The following UNC119B variants were observed in gnomAD, a reference collection of about 807,000 sequenced individuals.
UNC119B encodes protein unc-119 homolog B.
Under a neutral mutation model 23.4 loss-of-function variants are expected in UNC119B, and 16 were observed. The observed-to-expected ratio is 0.68, with a 90% CI of 0.46 to 1.04. The LOEUF (loss-of-function observed/expected upper bound fraction) is 1.04, where lower values mean the gene tolerates loss of function less well. Among genes scored for constraint, UNC119B ranks in the 50% least tolerant of loss-of-function variants. The probability of loss-of-function intolerance (pLI) is 0.00; values close to 1 mark genes in which losing one functional copy is unlikely to be tolerated. For missense variants in UNC119B, 350 were observed against 361.3 expected (o/e 0.97, Z 0.25); for synonymous variants, 144 against 145.4 (o/e 0.99, Z 0.07).
At chr12:120,712,384 TAA>T (rs1370813903) in intron 1 of UNC119B, among the ~76,000 whole-genome samples, 1 of 152,170 alleles carries the variant, frequency 6.6e-6, no homozygotes, top group African/African-American at 2.4e-5. Flanking sequence ...ACTCAGGCAA[TAA>T]AAGATCAAGT....
chr12:120,711,140 C>T (rs1029576982), intron 1 of UNC119B: 1 of 155,920 alleles, frequency 6.4e-6, no homozygotes, highest in African/African-American at 2.4e-5. Context: ...CCCCAGCCCT[C>T]TGGCAGGCCA....
chr12:120,713,453 TTGTG>T (rs1372862822), intron 2 of UNC119B, 66 bp downstream of exon 2: 157 of 1,226,782 alleles, frequency 1.3e-4, no homozygotes, highest in Non-Finnish European at 1.8e-4. Flanking sequence ...ACTCAAATCT[TTGTG>T]TGCCACTGCA....
At position 120,720,851 on chromosome 12, in the gene UNC119B, T is replaced by G. The variant is rs1882882618; in HGVS notation, c.*819T>G. 6.6e-6 allele frequency: 1 copy of G among 152,264 alleles called. No homozygotes were observed. The highest frequency in any genetic ancestry group is 1.5e-5 in the Non-Finnish European group (1 of 68,068). 9.4% of individuals were successfully genotyped at this position (152,264 alleles called of 1,614,324 possible). ...CTTGAGGCCAGAGCAGGTCTTGTAT[T>G]TTGTTTTTTTATTTCCAGACTTCTT... On this transcript the variant is annotated 3_prime_UTR_variant, in exon 5 of 5. Transcript: ENST00000344651.
At chr12:120,715,195 TAAATC>T (rs1203762343) in intron 2 of UNC119B, among the ~76,000 whole-genome samples, 12 of 152,220 alleles carry the variant, frequency 7.9e-5, no homozygotes, top group African/African-American at 2.6e-4. Context: ...TATCTCAAAA[TAAATC>T]AATAAATATA....
At chr12:120,718,458 A>G (rs1475204373) in intron 4 of UNC119B, among the ~76,000 whole-genome samples, 1 of 152,238 alleles carries the variant, frequency 6.6e-6, no homozygotes, top group African/African-American at 2.4e-5. Flanking sequence ...GTGTTGAGAT[A>G]GATCCAGCAG....
intron 4 of UNC119B, among the ~76,000 whole-genome samples, chr12:120,717,297 G>A (rs1386546513): frequency 6.6e-6 from 1 of 152,106 alleles, no homozygotes; most frequent in Non-Finnish European, 1.5e-5. Context: ...ACAGAGTCTT[G>A]CTCTGTCTGT....
chr12:120,710,683 C>G lies in UNC119B; in HGVS notation c.209C>G (p.Pro70Arg). The G allele has an allele frequency of 2.1e-6, 3 of 1,445,066 alleles. No homozygotes were observed. The highest frequency in any genetic ancestry group is 2.7e-6 in the Non-Finnish European group (3 of 1,103,346). 89.5% of individuals were successfully genotyped at this position (1,445,066 alleles called of 1,614,324 possible). The change falls in exon 1 of 5, where the codon CCC becomes CGC. Residue 70 changes from proline (P) to arginine (R), a missense_variant. Transcript: ENST00000344651. ...CTGCTGGCGCTGGACACCATCCGGCCCGAGCACGTCCTGCGCCTCAGCCGG... is the reference window on the plus strand; with the variant it reads ...CTGCTGGCGCTGGACACCATCCGGCGCGAGCACGTCCTGCGCCTCAGCCGG... ...QELLALDTIR[P>R]EHVLRLSRVT...
chr12:120,715,521 CTTTTTTTTTT>C (rs55906857), intron 2 of UNC119B, among the ~76,000 whole-genome samples: 21 of 71,522 alleles, frequency 2.9e-4, no homozygotes, highest in Admixed American at 2.7e-3. Context: ...TTCTCTGATT[CTTTTTTTTTT>C]TTTTTTTTTT....
Position 120,723,091 on chromosome 12 carries a change from T to A in UNC119B, c.*3059T>A, listed in dbSNP as rs562568916. The A allele has an allele frequency of 6.5e-6, 1 of 153,450 alleles. No homozygotes were observed. The highest frequency in any genetic ancestry group is 2.4e-5 in the African/African-American group (1 of 41,632). The allele number at this position is 153,450 out of a possible 1,614,324, so 9.5% of individuals were successfully genotyped here. A position where few individuals can be genotyped will look rare whatever the true frequency, so the allele number is the denominator to read the frequency against. The stretch of plus-strand genomic sequence containing the variant: ...GGCTGTGTCTAATGTACAAACTGGG[T>A]GAGTCCTGCCTTAGTGTGTCCTGCC... On this transcript the variant is annotated 3_prime_UTR_variant, in exon 5 of 5. Coordinates refer to ENST00000344651, the MANE Select transcript of UNC119B (RefSeq NM_001080533.3).
At position 120,721,734 on chromosome 12, in the gene UNC119B, C is replaced by T. The variant is rs1041338682; in HGVS notation, c.*1702C>T. On this transcript the variant is annotated 3_prime_UTR_variant, in exon 5 of 5. Transcript: ENST00000344651. ...CGAGAGAGGGGAGAGACCATTCCTC[C>T]TGTGGAGTGGGTTCCTTATCACCAG... 6.5e-6 allele frequency: 1 copy of T among 152,732 alleles called. No individual in the cohort carries two copies. Among genetic ancestry groups the T allele is most frequent in the African/African-American group, 2.4e-5 (1 of 41,458 alleles). The allele number at this position is 152,732 out of a possible 1,614,324, so 9.5% of individuals were successfully genotyped here.
rs1213495155 is a variant in UNC119B at position 120,716,624 on chromosome 12, T to C, written c.359-4T>C. The C allele has an allele frequency of 1.9e-6, 3 of 1,614,114 alleles. No individual in the cohort carries two copies. Among genetic ancestry groups the C allele is most frequent in the South Asian group, 1.1e-5 (1 of 91,078 alleles). The stretch of plus-strand genomic sequence containing the variant: ...TGCACTGAAGATTCTGTGTGCTCTT[T>C]CAGACCAGGAGGAGGATGAGGAGGA... On this transcript the variant is annotated splice_polypyrimidine_tract_variant and splice_region_variant and intron_variant, in intron 2 of 4. Transcript: ENST00000344651.
intron 1 of UNC119B, 46 bp downstream of exon 1, chr12:120,710,764 C>T: frequency 7.8e-7 from 1 of 1,289,264 alleles, no homozygotes; most frequent in Non-Finnish European, 9.8e-7. Flanking sequence ...CGTGCCCCGG[C>T]TCCCGGAGCC....
At chr12:120,715,412 G>A (rs557734719) in intron 2 of UNC119B, among the ~76,000 whole-genome samples, 1 of 149,852 alleles carries the variant, frequency 6.7e-6, no homozygotes, top group South Asian at 2.2e-4. Flanking sequence ...TGCTGAAAAA[G>A]TCTTCTCTTA....
rs751853318 is a variant in UNC119B, at chr12:120,713,259, C to T, written c.245-15C>T. ...GGATTATTTAACAGTGTTGGTTTCTCTCTCTTGTTTTCAGATTATTTATGT... is the reference window on the plus strand; with the variant it reads ...GGATTATTTAACAGTGTTGGTTTCTTTCTCTTGTTTTCAGATTATTTATGT... On this transcript the variant is annotated splice_polypyrimidine_tract_variant and intron_variant, in intron 1 of 4. Transcript: ENST00000344651. 1 of 1,582,674 alleles carries T rather than the reference C, an allele frequency of 6.3e-7. No homozygotes were observed.
In UNC119B at chr12:120,710,504, CGCGGCGTCGGCG is replaced by C; in HGVS notation, c.33_44del (p.Ala12_Ala15del). On this transcript the variant is annotated inframe_deletion, in exon 1 of 5. Coordinates refer to ENST00000344651, the MANE Select transcript of UNC119B (RefSeq NM_001080533.3). ...GCGGGTCTAACCCGAAGGCTGCGGC[CGCGGCGTCGGCG>C]GCTGGGCCCGGGGGGCTGGTGGCTG... 7.4e-7 allele frequency: 1 copy of C among 1,357,778 alleles called. No individual in the cohort carries two copies. The allele number at this position is 1,357,778 out of a possible 1,614,324, so 84.1% of individuals were successfully genotyped here.
rs749120182 is a variant in UNC119B, at chr12:120,710,525, C to CG, written c.57dup (p.Leu20AlafsTer67). 15 of 1,369,890 alleles carry CG rather than the reference C, an allele frequency of 1.1e-5. No homozygotes were observed. The highest frequency in any genetic ancestry group is 9.1e-5 in the East Asian group (3 of 32,798). The allele number at this position is 1,369,890 out of a possible 1,614,324, so 84.9% of individuals were successfully genotyped here. A position where few individuals can be genotyped will look rare whatever the true frequency, so the allele number is the denominator to read the frequency against. ...CGGCCGCGGCGTCGGCGGCTGGGCCCGGGGGGCTGGTGGCTGGCAAGGAGG... is the reference window on the plus strand; with the variant it reads ...CGGCCGCGGCGTCGGCGGCTGGGCCCGGGGGGGCTGGTGGCTGGCAAGGAGG... On this transcript the variant is annotated frameshift_variant, in exon 1 of 5. Coordinates refer to ENST00000344651, the MANE Select transcript of UNC119B (RefSeq NM_001080533.3). LOFTEE classifies it high-confidence loss of function.
intron 4 of UNC119B, among the ~76,000 whole-genome samples, chr12:120,718,964 C>G (rs1232305849): frequency 6.6e-6 from 1 of 152,152 alleles, no homozygotes; most frequent in African/African-American, 2.4e-5. Context: ...TAGATACTTG[C>G]AAGAAAAGAT....
intron 1 of UNC119B, among the ~76,000 whole-genome samples, chr12:120,712,557 A>G (rs1445860482): frequency 6.6e-6 from 1 of 152,146 alleles, no homozygotes; most frequent in South Asian, 2.1e-4. Flanking sequence ...GATATGTATG[A>G]TATGTATTGT....
Position 120,722,023 on chromosome 12 carries a change from T to C in UNC119B, c.*1991T>C, listed in dbSNP as rs1256710849. 4 of 152,510 alleles carry C rather than the reference T, an allele frequency of 2.6e-5. No individual in the cohort carries two copies. Among genetic ancestry groups the C allele is most frequent in the Admixed American group, 6.5e-5 (1 of 15,274 alleles). 9.4% of individuals were successfully genotyped at this position (152,510 alleles called of 1,614,324 possible). On this transcript the variant is annotated 3_prime_UTR_variant, in exon 5 of 5. Coordinates refer to ENST00000344651, the MANE Select transcript of UNC119B (RefSeq NM_001080533.3). ...AGGTGGGACAGTTTCTACTATTTGA[T>C]ATTTGAGTATTATCTGGGATGTGGT...
Sources: gnomAD v4.1 joint callset for allele counts (sites outside exome capture counted in the v4.1 genomes callset) on GRCh38, gnomAD v4.1.1 for gene constraint, MANE v1.5 for transcripts, NCBI Gene and HGNC (gene_info 2026-07-23, HGNC 2026-07-21) for gene names.